Variants in RBFOX1 observed in about 807,000 individuals in gnomAD.
RBFOX1 encodes RNA binding fox-1 homolog 1, also known as RNA binding protein fox-1 homolog 1.
A neutral mutation model predicts 57.7 loss-of-function variants in RBFOX1; 8 were observed. The observed-to-expected ratio is 0.14, with a 90% CI of 0.08 to 0.25. RBFOX1 has a LOEUF of 0.25. Ranked by LOEUF, RBFOX1 falls within the 10% of genes least tolerant of loss-of-function variation. The pLI, the probability that RBFOX1 is intolerant of heterozygous loss-of-function variation, is 1.00. For synonymous variants in RBFOX1, 326 were observed against 222.4 expected (o/e 1.47, Z -4.15); for missense variants, 611 against 548.5 (o/e 1.11, Z -1.14).
At chr16:6,932,957 A>G (rs1010783554) in intron 3 of RBFOX1, among the ~76,000 whole-genome samples, 2 of 152,064 alleles carry the variant, frequency 1.3e-5, no homozygotes, top group African/African-American at 4.8e-5. Flanking sequence ...TATGAACTTG[A>G]CTGCTCTAGT....
chr16:6,685,975 A>C (rs2154127430), intron 3 of RBFOX1, among the ~76,000 whole-genome samples: 1 of 152,286 alleles, frequency 6.6e-6, no homozygotes, highest in African/African-American at 2.4e-5. Flanking sequence ...GACAAAACCA[A>C]GCAGGTTCTG....
At chr16:7,546,228 G>A (rs948776297) in intron 5 of RBFOX1, among the ~76,000 whole-genome samples, 2 of 152,026 alleles carry the variant, frequency 1.3e-5, no homozygotes, top group African/African-American at 2.4e-5. Flanking sequence ...TTAGGAGCCT[G>A]AGGTGGGAGA....
chr16:5,264,042 G>A (rs750375199), intron 1 of RBFOX1, among the ~76,000 whole-genome samples: 4 of 152,118 alleles, frequency 2.6e-5, no homozygotes, highest in African/African-American at 4.8e-5. Flanking sequence ...AGGGAAGAAC[G>A]AGTTTAGGAG....
At chr16:6,665,577 A>G (rs1291159842) in intron 3 of RBFOX1, among the ~76,000 whole-genome samples, 1 of 151,226 alleles carries the variant, frequency 6.6e-6, no homozygotes, top group Non-Finnish European at 1.5e-5. Flanking sequence ...GTGAGCTGAG[A>G]TTGTGCCATC....
Position 5,453,096 on chromosome 16 carries a change from C to A in RBFOX1, c.220-14120C>A, listed in dbSNP as rs77394462. Among the ~76,000 whole-genome samples, 909 of 152,280 alleles carry A rather than the reference C, an allele frequency of 6.0e-3. 7 individuals carry two copies. The highest frequency in any genetic ancestry group is 0.021 in the African/African-American group (872 of 41,546). On this transcript the variant is annotated intron_variant, in intron 1 of 2. Transcript: ENST00000585867. ...TAGCAATTCCCTCCTCTAATCTTTT[C>A]AGTCGATTGATCAGTCAGTCAGTCT...
chr16:7,004,385 C>G (rs1165878950), intron 3 of RBFOX1, among the ~76,000 whole-genome samples: 2 of 152,074 alleles, frequency 1.3e-5, no homozygotes, highest in East Asian at 1.9e-4. Context: ...GATTCTTTGT[C>G]CACCGGTTTT....
chr16:6,485,049 G>T (rs1389054386), intron 2 of RBFOX1, among the ~76,000 whole-genome samples: 2 of 152,188 alleles, frequency 1.3e-5, no homozygotes, highest in South Asian at 2.1e-4. Context: ...GTGAGTAAAA[G>T]GGTGTTTGTG....
chr16:6,631,182 C>G (rs1178758500), intron 2 of RBFOX1, among the ~76,000 whole-genome samples: 1 of 151,694 alleles, frequency 6.6e-6, no homozygotes, highest in Non-Finnish European at 1.5e-5. Context: ...AATAGAGCCT[C>G]GGAAATTGTG....
chr16:5,960,400 C>A (rs1430859596), intron 4 of RBFOX1, among the ~76,000 whole-genome samples: 1 of 152,086 alleles, frequency 6.6e-6, no homozygotes, highest in Non-Finnish European at 1.5e-5. Context: ...TTCACATTAC[C>A]ACCAGCCCCA....
chr16:7,230,961 T>C (rs4786987), intron 4 of RBFOX1, among the ~76,000 whole-genome samples: 101,605 of 152,000 alleles, frequency 0.67, 35,662 homozygotes, highest in East Asian at 0.96. Flanking sequence ...AGTCACTGGT[T>C]TCCGAAGCTG....
chr16:7,505,807 C>G (rs1021990584), intron 4 of RBFOX1, among the ~76,000 whole-genome samples: 4 of 152,162 alleles, frequency 2.6e-5, no homozygotes, highest in African/African-American at 7.2e-5. Context: ...TTGCTGGAAT[C>G]TGTAACATGG....
intron 3 of RBFOX1, among the ~76,000 whole-genome samples, chr16:5,708,347 A>T (rs916969760): frequency 2.0e-5 from 3 of 152,166 alleles, no homozygotes; most frequent in African/African-American, 7.2e-5. Flanking sequence ...CTGCCTCTCA[A>T]ATTCATTTTG....
chr16:7,258,138 C>G (rs758351371), intron 4 of RBFOX1, among the ~76,000 whole-genome samples: 5 of 152,054 alleles, frequency 3.3e-5, no homozygotes, highest in Admixed American at 6.5e-5. Flanking sequence ...GAGGTACCAG[C>G]GATAATTTCT....
chr16:7,189,827 A>G (rs1466457558), intron 4 of RBFOX1, among the ~76,000 whole-genome samples: 3 of 152,234 alleles, frequency 2.0e-5, no homozygotes, highest in Non-Finnish European at 4.4e-5. Flanking sequence ...GCTTTCTGGA[A>G]GAATCTGTTC....
intron 3 of RBFOX1, among the ~76,000 whole-genome samples, chr16:6,800,315 G>C (rs1048075538): frequency 6.6e-6 from 1 of 152,164 alleles, no homozygotes; most frequent in East Asian, 1.9e-4. Flanking sequence ...AACCAGACGG[G>C]CTGGTAGTAC....
At chr16:6,093,893 T>A (rs2096211023) in intron 1 of RBFOX1, among the ~76,000 whole-genome samples, 2 of 152,142 alleles carry the variant, frequency 1.3e-5, no homozygotes, top group Non-Finnish European at 2.9e-5. Context: ...GTTCTGAGAT[T>A]ACAGACTGGA....
chr16:6,411,702 G>C (rs1055177642), intron 2 of RBFOX1, among the ~76,000 whole-genome samples: 3 of 152,222 alleles, frequency 2.0e-5, no homozygotes, highest in African/African-American at 7.2e-5. Flanking sequence ...CTAACCTACT[G>C]CATGCTCTCA....
intron 4 of RBFOX1, among the ~76,000 whole-genome samples, chr16:7,360,261 G>C (rs2097296410): frequency 6.6e-6 from 1 of 151,882 alleles, no homozygotes; most frequent in Non-Finnish European, 1.5e-5. Context: ...TTTCCCAATA[G>C]CCTAGAATTC....
At chr16:6,672,017 C>G (rs140450859) in intron 3 of RBFOX1, among the ~76,000 whole-genome samples, 22 of 152,302 alleles carry the variant, frequency 1.4e-4, no homozygotes, top group African/African-American at 4.8e-4. Context: ...AACTTATGCA[C>G]TGTACCAAAT....
Sources: gnomAD v4.1 joint callset for allele counts (sites outside exome capture counted in the v4.1 genomes callset) on GRCh38, gnomAD v4.1.1 for gene constraint, MANE v1.5 for transcripts, NCBI Gene and HGNC (gene_info 2026-07-23, HGNC 2026-07-21) for gene names.